PRDM16: variants seen among roughly 807,000 people sequenced by gnomAD.
The protein encoded by PRDM16 is PR/SET domain 16.
PRDM16 carries 23 observed loss-of-function variants against 110.6 expected under a neutral mutation model. That is an observed-to-expected ratio of 0.21 (90% CI 0.15 to 0.29). The LOEUF is 0.29. PRDM16 is among the 10% of genes least tolerant of loss of function. PRDM16 has a pLI of 1.00. For missense variants in PRDM16, 1,615 were observed against 1,794.3 expected, an observed-to-expected ratio of 0.90 and a Z score of 1.81; for synonymous variants, 799 against 781.8, an observed-to-expected ratio of 1.02 and a Z score of -0.37.
At position 3,287,616 on chromosome 1, in the gene PRDM16, G is replaced by A. The variant is rs1472377687; in HGVS notation, c.438+43479G>A. Among the ~76,000 whole-genome samples, 149 of 26,346 alleles carry A rather than the reference G, an allele frequency of 5.7e-3. 49 individuals are homozygous for A. In the East Asian group the frequency reaches 0.3, roughly 53 times the overall value. 17.3% of individuals were successfully genotyped at this position (26,346 alleles called of 152,430 possible). On this transcript the variant is annotated intron_variant, in intron 3 of 16. Transcript: ENST00000270722. ...GGCTGGAGCTGCCCCTGCCATGCGG[G>A]CATCGAGGATTGCATTTACCGGGGC...
intron 2 of PRDM16, among the ~76,000 whole-genome samples, chr1:3,188,463 T>G (rs2100802403): frequency 6.6e-6 from 1 of 152,250 alleles, no homozygotes; most frequent in East Asian, 1.9e-4. Context: ...CCTGTTGACT[T>G]TGTGGTGTGT....
At chr1:3,198,437 C>T (rs1333828524) in intron 2 of PRDM16, among the ~76,000 whole-genome samples, 1 of 152,248 alleles carries the variant, frequency 6.6e-6, no homozygotes, top group African/African-American at 2.4e-5. Context: ...ACTCAGCTGC[C>T]AGGATGCCGT....
chr1:3,261,874 T>C (rs1248970736), intron 3 of PRDM16, among the ~76,000 whole-genome samples: 5 of 152,150 alleles, frequency 3.3e-5, no homozygotes, highest in Non-Finnish European at 1.5e-5. Context: ...CTGCAGCCTG[T>C]GCAGCTCCTG....
chr1:3,103,628 G>A (rs1408127674), intron 1 of PRDM16, among the ~76,000 whole-genome samples: 1 of 152,214 alleles, frequency 6.6e-6, no homozygotes, highest in African/African-American at 2.4e-5. Context: ...AGGCCATTGG[G>A]CATCGCCTTA....
intron 4 of PRDM16, among the ~76,000 whole-genome samples, chr1:3,394,192 C>T (rs1383174416): frequency 6.6e-6 from 1 of 151,368 alleles, no homozygotes; most frequent in Admixed American, 6.6e-5. Context: ...CTCGGAGCTG[C>T]GGTGGGGGGC....
chr1:3,171,630 G>A (rs919248281), intron 1 of PRDM16, among the ~76,000 whole-genome samples: 10 of 152,200 alleles, frequency 6.6e-5, no homozygotes, highest in African/African-American at 1.4e-4. Context: ...CTCTGGCCAC[G>A]AGCTGAGCTG....
In PRDM16 at chr1:3,128,027, G is replaced by A. The variant is rs189430992; in HGVS notation, c.38-58098G>A. 148 of 154,970 alleles carry A rather than the reference G, an allele frequency of 9.6e-4. 2 individuals carry two copies. The highest frequency in any genetic ancestry group is 1.6e-3 in the Non-Finnish European group (107 of 68,238). 9.6% of individuals were successfully genotyped at this position (154,970 alleles called of 1,614,324 possible). Reference sequence around the variant, plus strand: ...GCCAATTCCTGAGAAAAGGGCCAACGTGCTTCCATCCACTTCAGAGGGCAC... The same window carrying A: ...GCCAATTCCTGAGAAAAGGGCCAACATGCTTCCATCCACTTCAGAGGGCAC... On this transcript the variant is annotated intron_variant, in intron 1 of 16. Coordinates refer to ENST00000270722, the MANE Select transcript of PRDM16 (RefSeq NM_022114.4).
chr1:3,293,681 G>A (rs1302341739), intron 3 of PRDM16, among the ~76,000 whole-genome samples: 4 of 152,220 alleles, frequency 2.6e-5, no homozygotes, highest in Admixed American at 2.0e-4. Context: ...CTAATAGTAG[G>A]GTATTTCATT....
intron 1 of PRDM16, among the ~76,000 whole-genome samples, chr1:3,085,845 C>T (rs1299446171): frequency 2.6e-5 from 4 of 152,238 alleles, no homozygotes; most frequent in African/African-American, 9.6e-5. Context: ...CCCAGATGGG[C>T]ACAGCTGTGG....
intron 1 of PRDM16, among the ~76,000 whole-genome samples, chr1:3,099,047 G>A (rs1642472790): frequency 6.6e-6 from 1 of 152,230 alleles, no homozygotes; most frequent in East Asian, 1.9e-4. Flanking sequence ...GCCCCATCGA[G>A]GGGACCCAGA....
chr1:3,218,152 C>T (rs1403186435), intron 2 of PRDM16, among the ~76,000 whole-genome samples: 4 of 152,356 alleles, frequency 2.6e-5, no homozygotes, highest in African/African-American at 4.8e-5. Context: ...TGCAGCCTGG[C>T]GTGACGGCCA....
intron 3 of PRDM16, among the ~76,000 whole-genome samples, chr1:3,330,131 A>C (rs1642013634): frequency 6.6e-6 from 1 of 152,082 alleles, no homozygotes; most frequent in Non-Finnish European, 1.5e-5. Flanking sequence ...CACCCACTTC[A>C]CCTTGGGCTT....
chr1:3,403,939 T>G (rs893999211), intron 6 of PRDM16, among the ~76,000 whole-genome samples: 1 of 152,138 alleles, frequency 6.6e-6, no homozygotes, highest in Admixed American at 6.5e-5. Context: ...AAATAAACGT[T>G]TGGGCAAATC....
At chr1:3,074,114 C>T (rs1394965137) in intron 1 of PRDM16, among the ~76,000 whole-genome samples, 1 of 152,184 alleles carries the variant, frequency 6.6e-6, no homozygotes, top group Admixed American at 6.5e-5. Context: ...CAGTCTGATC[C>T]GCAGCCCCGG....
chr1:3,113,987 C>A (rs1642855320), intron 1 of PRDM16, among the ~76,000 whole-genome samples: 2 of 152,068 alleles, frequency 1.3e-5, no homozygotes, highest in African/African-American at 4.8e-5. Flanking sequence ...TGGAGTGGTT[C>A]CTCTGTTTTC....
At chr1:3,404,034 G>A (rs1449394653) in intron 6 of PRDM16, among the ~76,000 whole-genome samples, 1 of 152,206 alleles carries the variant, frequency 6.6e-6, no homozygotes, top group Non-Finnish European at 1.5e-5. Context: ...TTAACAACGG[G>A]GGAAAAGATA....
intron 3 of PRDM16, among the ~76,000 whole-genome samples, chr1:3,316,766 G>T (rs550969165): frequency 6.6e-6 from 1 of 152,006 alleles, no homozygotes; most frequent in Non-Finnish European, 1.5e-5. Flanking sequence ...CAGTGACACA[G>T]GGTAGACAGG....
intron 2 of PRDM16, among the ~76,000 whole-genome samples, chr1:3,216,385 C>T (rs1639031535): frequency 6.6e-6 from 1 of 152,186 alleles, no homozygotes. Flanking sequence ...GAGAGGAGAC[C>T]CACAGAGCAT....
chr1:3,276,879 G>A (rs1034582473), intron 3 of PRDM16, among the ~76,000 whole-genome samples: 14 of 152,196 alleles, frequency 9.2e-5, no homozygotes, highest in Non-Finnish European at 1.9e-4. Flanking sequence ...GAGCCCTAAA[G>A]GGGGCTGGGC....
Sources: allele counts gnomAD v4.1 joint callset (sites outside exome capture counted in the v4.1 genomes callset), GRCh38; gene constraint gnomAD v4.1.1; transcripts MANE v1.5; gene names NCBI Gene and HGNC (gene_info 2026-07-23, HGNC 2026-07-21).